ADCY8: variants seen among roughly 807,000 people sequenced by gnomAD.
ADCY8 encodes adenylate cyclase type 8.
In ADCY8, 51 loss-of-function variants were observed where a neutral mutation model predicts 119.7. That is an observed-to-expected ratio of 0.43 (90% CI 0.34 to 0.54). The LOEUF (loss-of-function observed/expected upper bound fraction) is 0.54, where lower values mean the gene tolerates loss of function less well. Among genes scored for constraint, ADCY8 ranks in the 20% least tolerant of loss-of-function variants. The probability of loss-of-function intolerance (pLI) is 0.03; values close to 1 mark genes in which losing one functional copy is unlikely to be tolerated. For synonymous variants in ADCY8, 665 were observed against 651.0 expected (o/e 1.02, Z -0.33); for missense variants, 1,383 against 1,598.8 (o/e 0.87, Z 2.30).
At chr8:130,885,721 C>T (rs141851568) in intron 7 of ADCY8, among the ~76,000 whole-genome samples, 2 of 152,214 alleles carry the variant, frequency 1.3e-5, no homozygotes, top group Non-Finnish European at 2.9e-5. Flanking sequence ...AAGCCCAACC[C>T]ATCCTTCCAA....
chr8:130,965,467 C>G (rs1471986679), intron 2 of ADCY8, among the ~76,000 whole-genome samples: 2 of 151,918 alleles, frequency 1.3e-5, no homozygotes, highest in Non-Finnish European at 1.5e-5. Flanking sequence ...GTACATGTAC[C>G]CCTGAATCTA....
intron 1 of ADCY8, among the ~76,000 whole-genome samples, chr8:131,030,422 C>A (rs1823962339): frequency 6.6e-6 from 1 of 152,190 alleles, no homozygotes; most frequent in Non-Finnish European, 1.5e-5. Flanking sequence ...GGAGTCTGAC[C>A]TTTCCTTTCA....
At chr8:130,814,509 G>A (rs1308481833) in intron 13 of ADCY8, among the ~76,000 whole-genome samples, 1 of 152,188 alleles carries the variant, frequency 6.6e-6, no homozygotes, top group African/African-American at 2.4e-5. Context: ...CTACTAGACT[G>A]TCAGTGTTGT....
At chr8:130,982,006 T>C (rs1586628113) in intron 2 of ADCY8, among the ~76,000 whole-genome samples, 1 of 152,216 alleles carries the variant, frequency 6.6e-6, no homozygotes, top group Admixed American at 6.5e-5. Flanking sequence ...CACCCAGATA[T>C]AGACTTAGAG....
At chr8:130,791,875 G>C (rs1216722840) in intron 15 of ADCY8, among the ~76,000 whole-genome samples, 2 of 152,232 alleles carry the variant, frequency 1.3e-5, no homozygotes, top group African/African-American at 4.8e-5. Context: ...CTCTCTGCTA[G>C]ATTTTTCCCA....
At chr8:130,908,657 T>C (rs924057457) in intron 6 of ADCY8, among the ~76,000 whole-genome samples, 1 of 152,140 alleles carries the variant, frequency 6.6e-6, no homozygotes, top group African/African-American at 2.4e-5. Context: ...AGTAGTATTA[T>C]CTCTCTTCCT....
At chr8:130,911,420 T>A (rs1819976088) in intron 5 of ADCY8, among the ~76,000 whole-genome samples, 2 of 152,138 alleles carry the variant, frequency 1.3e-5, no homozygotes, top group South Asian at 4.1e-4. Context: ...TTATAAGATA[T>A]ATGTTTAGCT....
At chr8:130,830,212 T>C (rs1440622865) in intron 12 of ADCY8, among the ~76,000 whole-genome samples, 1 of 152,152 alleles carries the variant, frequency 6.6e-6, no homozygotes, top group Non-Finnish European at 1.5e-5. Flanking sequence ...GGAAAGCCTG[T>C]AAAAATCAAG....
Position 130,990,430 on chromosome 8 carries a change from T to A in ADCY8, c.1073A>T (p.Glu358Val). Residue 358 changes from glutamate (E) to valine (V), a missense_variant, in exon 2 of 18, where the codon GAG becomes GTG. Glu to Val is a moderately radical substitution (Grantham distance 121). Transcript: ENST00000286355. ...CTCTGTCTCCAGGCGCAGCCTGGCC[T>A]CCACACACCTCCGAGTCTCCAGGAA... ...QAFLETRRCV[E>V]ARLRLETENQ... The A allele has an allele frequency of 6.2e-7, 1 of 1,614,208 alleles. No homozygotes were observed. Among genetic ancestry groups the A allele is most frequent in the Non-Finnish European group, 8.5e-7 (1 of 1,180,024 alleles).
rs1161136558 is a variant in ADCY8, at chr8:130,992,382, C to CATATATATATATATATATAT, written c.961-1860_961-1841dup. Among the ~76,000 whole-genome samples, 4 of 78,054 alleles carry CATATATATATATATATATAT rather than the reference C, an allele frequency of 5.1e-5. 1 individual carries two copies. The highest frequency in any genetic ancestry group is 1.6e-4 in the African/African-American group (3 of 18,728). 51.2% of individuals were successfully genotyped at this position (78,054 alleles called of 152,430 possible). On this transcript the variant is annotated intron_variant, in intron 1 of 17. Transcript: ENST00000286355. ...TACATACATGAGCAACTGTATCTGG[C>CATATATATATATATATATAT]ATATATATATATATATATATATATA...
At chr8:130,945,806 A>G (rs1477353045) in intron 3 of ADCY8, among the ~76,000 whole-genome samples, 1 of 152,236 alleles carries the variant, frequency 6.6e-6, no homozygotes, top group Non-Finnish European at 1.5e-5. Flanking sequence ...ACACTTACAG[A>G]GTATTCACTG....
chr8:130,891,081 T>C (rs578145780), intron 7 of ADCY8, among the ~76,000 whole-genome samples: 114 of 152,278 alleles, frequency 7.5e-4, no homozygotes, highest in African/African-American at 2.6e-3. Flanking sequence ...GGAATCTTCA[T>C]TCAGAAGTAG....
chr8:130,946,912 T>A (rs2130647458), intron 3 of ADCY8, among the ~76,000 whole-genome samples: 1 of 152,302 alleles, frequency 6.6e-6, no homozygotes. Flanking sequence ...AGCACTGGTT[T>A]AAGTCATAGT....
At chr8:130,955,867 G>T (rs902391674) in intron 2 of ADCY8, among the ~76,000 whole-genome samples, 2 of 152,100 alleles carry the variant, frequency 1.3e-5, no homozygotes, top group African/African-American at 4.8e-5. Flanking sequence ...GAGCCAGGCC[G>T]AGTGTGGTTG....
intron 1 of ADCY8, among the ~76,000 whole-genome samples, chr8:131,037,702 T>C (rs1260895928): frequency 6.6e-6 from 1 of 152,132 alleles, no homozygotes; most frequent in Non-Finnish European, 1.5e-5. Flanking sequence ...AAAGATCTGC[T>C]AATGTCTATG....
chr8:130,939,931 C>A (rs187120957), intron 4 of ADCY8, among the ~76,000 whole-genome samples: 1 of 152,288 alleles, frequency 6.6e-6, no homozygotes, highest in Admixed American at 6.5e-5. Flanking sequence ...GCTTCCTGTG[C>A]TACAGAGGAG....
chr8:130,977,142 G>C lies in ADCY8; in HGVS notation c.1110+13251C>G, dbSNP rs555996526. On this transcript the variant is annotated intron_variant, in intron 2 of 17. Transcript: ENST00000286355. ...TCTCCTCACATTGCCTGGAGAAACT[G>C]CCCGGGTCGGGTGTGAGCGCATGGT... Among the ~76,000 whole-genome samples, 14 of 152,304 alleles carry C rather than the reference G, an allele frequency of 9.2e-5. No individual in the cohort carries two copies. The East Asian group carries it at 2.7e-3, about 29-fold the overall frequency.
intron 14 of ADCY8, among the ~76,000 whole-genome samples, chr8:130,812,835 T>C (rs1816210430): frequency 6.6e-6 from 1 of 152,316 alleles, no homozygotes; most frequent in South Asian, 2.1e-4. Context: ...TATATAAATA[T>C]ACACACATGT....
At chr8:131,023,039 C>T (rs537259738) in intron 1 of ADCY8, among the ~76,000 whole-genome samples, 28 of 152,266 alleles carry the variant, frequency 1.8e-4, no homozygotes, top group African/African-American at 5.8e-4. Context: ...CACACACAAT[C>T]GGAATGACTC....
Sources: gnomAD v4.1 joint callset for allele counts (sites outside exome capture counted in the v4.1 genomes callset) on GRCh38, gnomAD v4.1.1 for gene constraint, MANE v1.5 for transcripts, NCBI Gene and HGNC (gene_info 2026-07-23, HGNC 2026-07-21) for gene names.